The following PTPRD variants were observed in gnomAD, a reference collection of about 807,000 sequenced individuals.
The protein encoded by PTPRD is protein tyrosine phosphatase receptor type D.
A neutral mutation model predicts 214.5 loss-of-function variants in PTPRD; 34 were observed. The ratio of observed to expected loss-of-function variants is 0.16; its 90% CI spans 0.12 to 0.21. The LOEUF (loss-of-function observed/expected upper bound fraction) is 0.21, where lower values mean the gene tolerates loss of function less well. Ranked by LOEUF, PTPRD falls within the 10% of genes least tolerant of loss-of-function variation. PTPRD has a pLI of 1.00. For missense variants in PTPRD, 2,545 were observed against 2,398.7 expected (o/e 1.06, Z -1.27); for synonymous variants, 1,128 against 845.7 (o/e 1.33, Z -5.79).
At chr9:10,173,462 G>A (rs906158414) in intron 3 of PTPRD, among the ~76,000 whole-genome samples, 10 of 152,072 alleles carry the variant, frequency 6.6e-5, no homozygotes, top group Non-Finnish European at 7.3e-5. Context: ...ATCACATACT[G>A]TTATGATCTC....
rs546440644 is a variant in PTPRD, at chr9:10,562,098, G to T, written c.-600+50300C>A. ...TGAAACATATTCCATTATCTCTTTTGTATTTACTGCTCTATCTCATTATGA... is the reference window on the plus strand; with the variant it reads ...TGAAACATATTCCATTATCTCTTTTTTATTTACTGCTCTATCTCATTATGA... On this transcript the variant is annotated intron_variant, in intron 2 of 45. Coordinates refer to ENST00000381196, the MANE Select transcript of PTPRD (RefSeq NM_002839.4). 3.3e-5 allele frequency among the ~76,000 whole-genome samples: 5 copies of T among 152,104 alleles called. No homozygotes were observed. In the East Asian group the frequency reaches 7.7e-4, roughly 23 times the overall value.
intron 3 of PTPRD, among the ~76,000 whole-genome samples, chr9:10,058,142 T>C (rs955142782): frequency 6.6e-6 from 1 of 152,106 alleles, no homozygotes; most frequent in African/African-American, 2.4e-5. Context: ...TGAAGGTATC[T>C]CTTTTCCATT....
chr9:9,372,554 T>G (rs1278689146), intron 9 of PTPRD, among the ~76,000 whole-genome samples: 1 of 152,156 alleles, frequency 6.6e-6, no homozygotes, highest in Admixed American at 6.6e-5. Context: ...TGATGGGTCT[T>G]GACTCTTTAT....
At chr9:8,513,084 C>A (rs2097713689) in intron 21 of PTPRD, among the ~76,000 whole-genome samples, 1 of 151,880 alleles carries the variant, frequency 6.6e-6, no homozygotes. Context: ...CCCATATTTT[C>A]AAGGTAAACT....
intron 3 of PTPRD, among the ~76,000 whole-genome samples, chr9:10,170,436 A>G (rs1040259964): frequency 6.6e-6 from 1 of 152,320 alleles, no homozygotes; most frequent in East Asian, 1.9e-4. Flanking sequence ...TCACACCTGT[A>G]ATCCCAGCAC....
At chr9:8,778,922 C>T (rs62528834) in intron 11 of PTPRD, among the ~76,000 whole-genome samples, 15,754 of 152,108 alleles carry the variant, frequency 0.1, 918 homozygotes, top group Non-Finnish European at 0.13. Context: ...TTTATTACCA[C>T]CACCAAGAAA....
intron 2 of PTPRD, among the ~76,000 whole-genome samples, chr9:10,459,168 G>A (rs964116663): frequency 2.6e-5 from 4 of 152,090 alleles, no homozygotes; most frequent in African/African-American, 9.7e-5. Context: ...CTGTCCTTGT[G>A]CCAGTTTGCT....
intron 5 of PTPRD, among the ~76,000 whole-genome samples, chr9:9,775,653 C>A (rs983363586): frequency 1.3e-5 from 2 of 152,010 alleles, no homozygotes; most frequent in African/African-American, 4.8e-5. Flanking sequence ...TACTAAAAAG[C>A]GAATTCTTGG....
At chr9:9,078,094 A>G (rs1393420122) in intron 10 of PTPRD, among the ~76,000 whole-genome samples, 1 of 152,124 alleles carries the variant, frequency 6.6e-6, no homozygotes, top group Non-Finnish European at 1.5e-5. Flanking sequence ...TTCATATAAC[A>G]TTTGAGTCCT....
chr9:9,710,697 C>T (rs1421584790), intron 7 of PTPRD, among the ~76,000 whole-genome samples: 1 of 151,942 alleles, frequency 6.6e-6, no homozygotes, highest in Admixed American at 6.6e-5. Context: ...CAAATTTCCT[C>T]TTTAAGGTAT....
At chr9:9,913,772 G>T (rs1285353049) in intron 5 of PTPRD, among the ~76,000 whole-genome samples, 1 of 152,116 alleles carries the variant, frequency 6.6e-6, no homozygotes, top group Non-Finnish European at 1.5e-5. Flanking sequence ...TTAGAGAATT[G>T]CTGGGAATTC....
chr9:10,043,185 G>A (rs2097328106), intron 3 of PTPRD, among the ~76,000 whole-genome samples: 1 of 151,898 alleles, frequency 6.6e-6, no homozygotes, highest in African/African-American at 2.4e-5. Flanking sequence ...ATACAAATGT[G>A]ATATTGCCTC....
chr9:8,721,699 C>T (rs544074600), intron 12 of PTPRD, among the ~76,000 whole-genome samples: 4 of 152,276 alleles, frequency 2.6e-5, no homozygotes, highest in South Asian at 4.1e-4. Context: ...TCATCTAATA[C>T]TCCAGACAAC....
chr9:9,147,391 A>G (rs1318454286), intron 10 of PTPRD, among the ~76,000 whole-genome samples: 1 of 151,944 alleles, frequency 6.6e-6, no homozygotes, highest in Non-Finnish European at 1.5e-5. Context: ...TATTTATTTT[A>G]GTGTGAGGCC....
intron 3 of PTPRD, among the ~76,000 whole-genome samples, chr9:10,185,446 T>G (rs2099325736): frequency 6.6e-6 from 1 of 152,198 alleles, no homozygotes; most frequent in African/African-American, 2.4e-5. Flanking sequence ...AATTAGCATT[T>G]ATATCTTTCC....
At chr9:9,951,561 T>A (rs563797756) in intron 4 of PTPRD, among the ~76,000 whole-genome samples, 2 of 152,338 alleles carry the variant, frequency 1.3e-5, no homozygotes, top group South Asian at 4.1e-4. Context: ...CACCCCCCAA[T>A]GTTTCTGAGT....
chr9:8,588,259 A>G (rs1348396469), intron 14 of PTPRD, among the ~76,000 whole-genome samples: 3 of 152,210 alleles, frequency 2.0e-5, no homozygotes, highest in Admixed American at 2.0e-4. Flanking sequence ...GTGGGCCCAT[A>G]CAAATTAGGC....
chr9:9,515,356 A>C (rs113076988), intron 8 of PTPRD, among the ~76,000 whole-genome samples: 29 of 152,240 alleles, frequency 1.9e-4, no homozygotes, highest in African/African-American at 7.0e-4. Flanking sequence ...CTATATATCT[A>C]AACCTCAATT....
intron 2 of PTPRD, among the ~76,000 whole-genome samples, chr9:10,408,549 A>G (rs76801957): frequency 6.6e-6 from 1 of 151,646 alleles, no homozygotes; most frequent in African/African-American, 2.4e-5. Flanking sequence ...TTTGTATTTT[A>G]TCACCCCTGC....
Sources: gnomAD v4.1 joint callset for allele counts (sites outside exome capture counted in the v4.1 genomes callset) on GRCh38, gnomAD v4.1.1 for gene constraint, MANE v1.5 for transcripts, NCBI Gene and HGNC (gene_info 2026-07-23, HGNC 2026-07-21) for gene names.